The following MAST4 variants were observed in gnomAD, a reference collection of about 807,000 sequenced individuals.
MAST4 encodes microtubule-associated serine/threonine-protein kinase 4.
Under a neutral mutation model 162.7 loss-of-function variants are expected in MAST4, and 89 were observed. The observed-to-expected ratio is 0.55, with a 90% confidence interval of 0.46 to 0.65. The LOEUF is 0.65. Among genes scored for constraint, MAST4 ranks in the 30% least tolerant of loss-of-function variants. The pLI is 0.00. For synonymous variants in MAST4, 1,479 were observed against 1,361.1 expected (o/e 1.09, Z -1.91); for missense variants, 3,153 against 3,374.0 (o/e 0.93, Z 1.62).
intron 3 of MAST4, among the ~76,000 whole-genome samples, chr5:66,864,652 C>G (rs1006613233): frequency 1.3e-5 from 2 of 151,408 alleles, no homozygotes; most frequent in East Asian, 3.9e-4. Context: ...TGTCCCCCCC[C>G]GAAAATACAT....
In MAST4 at chr5:67,164,474, G is replaced by T. The variant is rs548749444; in HGVS notation, c.5295G>T (p.Val1765=). 3.0e-5 allele frequency: 48 copies of T among 1,614,026 alleles called. 1 individual carries two copies. In the Middle Eastern group the frequency reaches 8.2e-4, roughly 28 times the overall value. The change falls in exon 29 of 29, where the codon GTG becomes GTT. Residue 1765 remains valine (V), a synonymous_variant. Coordinates refer to ENST00000403625, the MANE Select transcript of MAST4 (RefSeq NM_001164664.2). The surrounding 1 kb of genome is among the most constrained non-coding windows in gnomAD (Gnocchi z 5.3). ...FVPLKALTGR[V]DSGTEKPGLV... ...CCCTCAAGGCCTTAACAGGCCGGGT[G>T]GACAGTGGAACGGAGAAGCCTGGCT... is the stretch of plus-strand genomic sequence containing the variant.
chr5:67,015,983 A>G (rs750384011), intron 4 of MAST4, among the ~76,000 whole-genome samples: 2 of 152,166 alleles, frequency 1.3e-5, no homozygotes, highest in Admixed American at 6.5e-5. Flanking sequence ...ATATTTATTG[A>G]GTACCTTTTA....
chr5:67,041,373 A>T (rs1756718132), intron 4 of MAST4, among the ~76,000 whole-genome samples: 1 of 152,202 alleles, frequency 6.6e-6, no homozygotes, highest in African/African-American at 2.4e-5. Flanking sequence ...TATAACTAGG[A>T]TAATGTTTAC....
chr5:66,725,435 T>A (rs868141843), intron 1 of MAST4, among the ~76,000 whole-genome samples: 1 of 152,214 alleles, frequency 6.6e-6, no homozygotes, highest in Middle Eastern at 3.2e-3. Context: ...GTTCACTTGC[T>A]TCAGCTGCTG....
intron 1 of MAST4, among the ~76,000 whole-genome samples, chr5:66,676,113 A>T (rs1194368206): frequency 6.6e-6 from 1 of 152,216 alleles, no homozygotes; most frequent in Non-Finnish European, 1.5e-5. Context: ...ATGCAAGTGG[A>T]TATAAAAGTT....
At chr5:67,025,647 G>A (rs1450984662) in intron 4 of MAST4, among the ~76,000 whole-genome samples, 1 of 152,138 alleles carries the variant, frequency 6.6e-6, no homozygotes, top group African/African-American at 2.4e-5. Context: ...TTGAGGGGAT[G>A]TTATACAAAA....
intron 4 of MAST4, among the ~76,000 whole-genome samples, chr5:66,935,321 G>A (rs908462078): frequency 5.9e-5 from 9 of 152,124 alleles, no homozygotes; most frequent in East Asian, 1.9e-4. Flanking sequence ...TGTTTTTAGC[G>A]TAGAAGGTGG....
chr5:67,022,411 C>CAA (rs33917245), intron 4 of MAST4, among the ~76,000 whole-genome samples: 51 of 143,648 alleles, frequency 3.6e-4, no homozygotes, highest in Admixed American at 6.3e-4. Flanking sequence ...TTTTCTCTAC[C>CAA]AAAAAAAAAA....
Position 66,912,322 on chromosome 5 carries a change from G to A in MAST4, c.674+12340G>A, listed in dbSNP as rs890027125. Among the ~76,000 whole-genome samples, 3 of 152,142 alleles carry A rather than the reference G, an allele frequency of 2.0e-5. No homozygotes were observed. The East Asian group carries it at 5.8e-4, about 29-fold the overall frequency. On this transcript the variant is annotated intron_variant, in intron 4 of 28. Coordinates refer to ENST00000403625, the MANE Select transcript of MAST4 (RefSeq NM_001164664.2). The stretch of plus-strand genomic sequence containing the variant: ...TGGGGCACATGAGTGGGTTTACCAG[G>A]GGGTTTGTATTTAAGCATATAAACC...
In MAST4 at chr5:67,164,049, C is replaced by T. The variant is rs1251923013; in HGVS notation, c.4870C>T (p.Arg1624Trp). 1.3e-6 allele frequency: 2 copies of T among 1,574,986 alleles called. No homozygotes were observed. The highest frequency in any genetic ancestry group is 2.3e-5 in the South Asian group (2 of 86,456). The part of the protein sequence containing the change: ...RASEGAMSDG[R>W]VPAEHRQGGG... ...CAGCGAGGGTGCGATGTCGGATGGCCGGGTGCCTGCGGAGCACCGCCAGGG... is the reference window on the plus strand; with the variant it reads ...CAGCGAGGGTGCGATGTCGGATGGCTGGGTGCCTGCGGAGCACCGCCAGGG... Residue 1624 changes from arginine to tryptophan, a missense_variant, in exon 29 of 29, where the codon CGG (arginine) becomes TGG (tryptophan). Arg to Trp is a moderately radical substitution (Grantham distance 101). Transcript: ENST00000403625. The surrounding 1 kb of genome is among the most constrained non-coding windows in gnomAD (Gnocchi z 5.3).
intron 4 of MAST4, among the ~76,000 whole-genome samples, chr5:66,988,927 T>TA (rs1243852172): frequency 1.3e-5 from 2 of 152,202 alleles, no homozygotes; most frequent in African/African-American, 4.8e-5. Flanking sequence ...TTCAGGGAAA[T>TA]AAGACATATT....
chr5:67,011,929 T>G (rs73766132), intron 4 of MAST4, among the ~76,000 whole-genome samples: 4,317 of 152,118 alleles, frequency 0.028, 186 homozygotes, highest in African/African-American at 0.086. Flanking sequence ...CAAAAGAAAT[T>G]CATTAAAAAT....
chr5:66,925,332 T>C (rs558761464), intron 4 of MAST4, among the ~76,000 whole-genome samples: 2 of 152,362 alleles, frequency 1.3e-5, no homozygotes, highest in Admixed American at 1.3e-4. Flanking sequence ...ATTCATTTTA[T>C]GAAATTTCAA....
At chr5:66,908,399 T>C (rs1210586034) in intron 4 of MAST4, among the ~76,000 whole-genome samples, 1 of 152,144 alleles carries the variant, frequency 6.6e-6, no homozygotes, top group Non-Finnish European at 1.5e-5. Flanking sequence ...CCAAACACCC[T>C]TGGGAATGCA....
At chr5:66,963,871 C>T in intron 4 of MAST4, 1 of 772,612 alleles carries the variant, frequency 1.3e-6, no homozygotes, top group Admixed American at 1.7e-5. Context: ...TTACTTCAGA[C>T]TCTGCAATCC....
chr5:67,136,783 G>A, intron 19 of MAST4, 119 bp downstream of exon 19: 1 of 700,356 alleles, frequency 1.4e-6, no homozygotes, highest in Admixed American at 2.3e-5. Context: ...AGTTGATGTA[G>A]AACATGACTG....
intron 4 of MAST4, among the ~76,000 whole-genome samples, chr5:66,999,539 A>G (rs138606574): frequency 2.3e-3 from 345 of 152,288 alleles, no homozygotes; most frequent in African/African-American, 7.9e-3. Context: ...AATGCCTGAG[A>G]AAGACCTTGC....
At chr5:66,768,910 A>C (rs973080923) in intron 2 of MAST4, among the ~76,000 whole-genome samples, 1 of 152,194 alleles carries the variant, frequency 6.6e-6, no homozygotes, top group Admixed American at 6.5e-5. Context: ...AAAAGCAGAG[A>C]GTTATTGGAT....
At position 67,153,541 on chromosome 5, in the gene MAST4, T is replaced by C. The variant is rs1267643453; in HGVS notation, c.3609T>C (p.His1203=). ...CTCACATCAATGGAGAACCAGTGCATGGACTTGTCCACACAGAAGTTATAG... is the reference window on the plus strand; with the variant it reads ...CTCACATCAATGGAGAACCAGTGCACGGACTTGTCCACACAGAAGTTATAG... ...LITHINGEPV[H]GLVHTEVIEL... is the part of the protein sequence containing the mutation. Residue 1203 remains histidine (H), a synonymous_variant, in exon 26 of 29, where the codon CAT becomes CAC. Transcript: ENST00000403625. 5 of 1,597,794 alleles carry C rather than the reference T, an allele frequency of 3.1e-6. No individual in the cohort carries two copies. The African/African-American group carries it at 4.0e-5, about 13-fold the overall frequency.
Sources: allele counts gnomAD v4.1 joint callset (sites outside exome capture counted in the v4.1 genomes callset), GRCh38; gene constraint gnomAD v4.1.1; non-coding constraint Gnocchi (gnomAD v3.1); transcripts MANE v1.5; gene names NCBI Gene and HGNC (gene_info 2026-07-23, HGNC 2026-07-21).